Variants in ARHGAP21 observed in about 807,000 individuals in gnomAD.
The protein encoded by ARHGAP21 is rho GTPase-activating protein 21.
Under a neutral mutation model 164.6 loss-of-function variants are expected in ARHGAP21, and 38 were observed. The ratio of observed to expected loss-of-function variants is 0.23; its 90% confidence interval spans 0.18 to 0.30. ARHGAP21 has a LOEUF of 0.30. Among genes scored for constraint, ARHGAP21 ranks in the 10% least tolerant of loss-of-function variants. The probability of loss-of-function intolerance (pLI) is 1.00; values close to 1 mark genes in which losing one functional copy is unlikely to be tolerated. For synonymous variants in ARHGAP21, 766 were observed against 857.9 expected, an observed-to-expected ratio of 0.89 and a Z score of 1.87; for missense variants, 1,822 against 2,370.7, an observed-to-expected ratio of 0.77 and a Z score of 4.81.
intron 4 of ARHGAP21, among the ~76,000 whole-genome samples, chr10:24,641,811 T>A (rs1231331718): frequency 1.3e-5 from 2 of 151,156 alleles, no homozygotes; most frequent in South Asian, 4.2e-4. Flanking sequence ...CTGGCTAAGA[T>A]GGTGAAACCC....
intron 9 of ARHGAP21, among the ~76,000 whole-genome samples, chr10:24,616,880 G>C (rs1327030876): frequency 6.6e-6 from 1 of 151,964 alleles, no homozygotes; most frequent in Non-Finnish European, 1.5e-5. Flanking sequence ...GTGGGGGGTG[G>C]GAACAGTAAA....
At chr10:24,718,747 C>G (rs1253669071) in intron 2 of ARHGAP21, among the ~76,000 whole-genome samples, 1 of 152,246 alleles carries the variant, frequency 6.6e-6, no homozygotes, top group Middle Eastern at 3.4e-3. Context: ...TAATACATTT[C>G]AGTCATAGAA....
At chr10:24,601,808 T>A (rs2076825054) in intron 13 of ARHGAP21, among the ~76,000 whole-genome samples, 170 bp downstream of exon 13, 1 of 152,104 alleles carries the variant, frequency 6.6e-6, no homozygotes, top group African/African-American at 2.4e-5. Context: ...ATGCAATAAT[T>A]AGAATTTTTT....
At chr10:24,634,514 T>C (rs951780991) in intron 5 of ARHGAP21, among the ~76,000 whole-genome samples, 11 of 152,190 alleles carry the variant, frequency 7.2e-5, no homozygotes, top group African/African-American at 2.4e-4. Context: ...ACAGCTACTA[T>C]ATCCAGCCAA....
At chr10:24,672,307 C>T (rs1405970478) in intron 2 of ARHGAP21, among the ~76,000 whole-genome samples, 5 of 152,270 alleles carry the variant, frequency 3.3e-5, no homozygotes, top group African/African-American at 1.2e-4. Context: ...CCTCCTCCTT[C>T]TTGAAGAATT....
intron 4 of ARHGAP21, among the ~76,000 whole-genome samples, chr10:24,637,585 A>C (rs1375811919): frequency 1.3e-5 from 2 of 152,298 alleles, no homozygotes; most frequent in South Asian, 2.1e-4. Context: ...AAATAATAAA[A>C]CGTTGGTTGG....
Position 24,585,893 on chromosome 10 carries a change from C to G in ARHGAP21, c.4396G>C (p.Gly1466Arg). ...GCAATGATGATCTTCTGTTTTCTGCCCAGTGTCTCACTTTCTTTTTTGGAC... is the reference window on the plus strand; with the variant it reads ...GCAATGATGATCTTCTGTTTTCTGCGCAGTGTCTCACTTTCTTTTTTGGAC... ...EESKKESETL[G>R]RKQKIIIAKE... The change falls in exon 26 of 26, where the codon GGC becomes CGC. Residue 1466 changes from glycine (G) to arginine (R), a missense_variant. Physicochemically the swap from Gly to Arg is moderately radical, Grantham distance 125. Around this residue, in one of 5 missense-constraint regions of ARHGAP21, gnomAD observed 333 missense variants for 383.9 expected, o/e 0.87. Transcript: ENST00000396432. The G allele has an allele frequency of 6.2e-7, 1 of 1,613,986 alleles. No individual in the cohort carries two copies. The highest frequency in any genetic ancestry group is 8.5e-7 in the Non-Finnish European group (1 of 1,179,928).
chr10:24,664,502 G>A (rs1008192639), intron 4 of ARHGAP21, among the ~76,000 whole-genome samples: 64 of 151,032 alleles, frequency 4.2e-4, no homozygotes, highest in Non-Finnish European at 7.7e-4. Flanking sequence ...GTGGCATTGA[G>A]CCGAGATCAT....
At position 24,620,342 on chromosome 10, in the gene ARHGAP21, G is replaced by A. The variant is rs1435994809; in HGVS notation, c.1553C>T (p.Ser518Phe). ...NVNSGTPIPDSNGEKKQTYKW... is the reference protein window; with the variant it reads ...NVNSGTPIPDFNGEKKQTYKW... ...GTAAGTCTGTTTTTTCTCTCCATTG[G>A]AATCAGGTATTGGAGTTCCAGAATT... Residue 518 changes from serine (S) to phenylalanine (F), a missense_variant, in exon 9 of 26, where the codon TCC becomes TTC. Ser to Phe is a radical substitution (Grantham distance 155). Around this residue, in one of 5 missense-constraint regions of ARHGAP21, gnomAD observed 1,090 missense variants for 1,378.9 expected, o/e 0.79. Coordinates refer to ENST00000396432, the MANE Select transcript of ARHGAP21 (RefSeq NM_020824.4). 2.5e-6 allele frequency: 4 copies of A among 1,613,766 alleles called. No individual in the cohort carries two copies. The highest frequency in any genetic ancestry group is 1.7e-5 in the Admixed American group (1 of 59,976).
intron 9 of ARHGAP21, among the ~76,000 whole-genome samples, chr10:24,611,894 T>G (rs2077277908): frequency 6.6e-6 from 1 of 152,070 alleles, no homozygotes; most frequent in African/African-American, 2.4e-5. Flanking sequence ...CCAAGAGAAT[T>G]ATGATGAACA....
intron 2 of ARHGAP21, among the ~76,000 whole-genome samples, chr10:24,718,050 T>C (rs1378235793): frequency 6.6e-6 from 1 of 152,112 alleles, no homozygotes; most frequent in African/African-American, 2.4e-5. Flanking sequence ...GGAAACTCCG[T>C]AGGGAATCTG....
rs1414193942 is a variant in ARHGAP21 at position 24,607,731 on chromosome 10, C to T, written c.2581+14G>A. ...GCATGAGATACGGTTTACAAAACCA[C>T]CCTTTAGACGTACCGTGGTCATGTG... On this transcript the variant is annotated intron_variant, in intron 10 of 25. Transcript: ENST00000396432. The T allele has an allele frequency of 2.5e-6, 4 of 1,613,230 alleles. No homozygotes were observed.
chr10:24,720,289 T>G lies in ARHGAP21; in HGVS notation c.63+1548A>C, dbSNP rs534031107. On this transcript the variant is annotated intron_variant, in intron 2 of 25. Transcript: ENST00000396432. ...AAAAAAAATCAAATAACATTAGTTC[T>G]TGCAAACAGAATGCAAATACAATGC... Among the ~76,000 whole-genome samples the G allele has an allele frequency of 5.5e-4, 84 of 152,000 alleles. 1 individual carries two copies. Among genetic ancestry groups the G allele is most frequent in the South Asian group, 1.7e-3 (8 of 4,816 alleles).
At chr10:24,693,948 C>A (rs1274323339) in intron 2 of ARHGAP21, among the ~76,000 whole-genome samples, 1 of 152,174 alleles carries the variant, frequency 6.6e-6, no homozygotes, top group African/African-American at 2.4e-5. Context: ...TTCAGGAACA[C>A]AGACATACAT....
chr10:24,704,457 A>AT (rs1399556307), intron 2 of ARHGAP21, among the ~76,000 whole-genome samples: 1 of 53,696 alleles, frequency 1.9e-5, no homozygotes, highest in Non-Finnish European at 3.2e-5. Context: ...TGCCTGACTT[A>AT]TTTTTCTATT....
intron 14 of ARHGAP21, among the ~76,000 whole-genome samples, chr10:24,599,228 A>AGTCT (rs1428138617): frequency 8.5e-5 from 13 of 152,354 alleles, no homozygotes; most frequent in African/African-American, 3.1e-4. Flanking sequence ...TAACAATGAC[A>AGTCT]GTCTACTGCC....
chr10:24,681,969 A>T (rs1038591147), intron 2 of ARHGAP21, among the ~76,000 whole-genome samples: 1 of 152,256 alleles, frequency 6.6e-6, no homozygotes, highest in South Asian at 2.1e-4. Context: ...TGGCTCGTGG[A>T]CAAGCTCCTT....
At chr10:24,656,203 G>A (rs1241532167) in intron 4 of ARHGAP21, among the ~76,000 whole-genome samples, 2 of 140,798 alleles carry the variant, frequency 1.4e-5, no homozygotes, top group East Asian at 4.4e-4. Flanking sequence ...GCCCCATCCG[G>A]GAGGGAGGTG....
In ARHGAP21 at chr10:24,584,894, G is replaced by C. The variant is rs768755069; in HGVS notation, c.5395C>G (p.Arg1799Gly). The C allele has an allele frequency of 1.2e-6, 2 of 1,613,814 alleles. No individual in the cohort carries two copies. Residue 1799 changes from arginine to glycine, a missense_variant, in exon 26 of 26, where the codon CGG becomes GGG. By Grantham distance (125) the Arg-to-Gly change is moderately radical (BLOSUM62 -2). Coordinates refer to ENST00000396432, the MANE Select transcript of ARHGAP21 (RefSeq NM_020824.4). ...NAETAKRKSIRRRHTLGGHRD... is the reference protein window; with the variant it reads ...NAETAKRKSIGRRHTLGGHRD... ...TGCCCTCCTAGTGTATGTCTGCGCCGGATGCTTTTCCTTTTAGCAGTCTCG... is the reference window on the plus strand; with the variant it reads ...TGCCCTCCTAGTGTATGTCTGCGCCCGATGCTTTTCCTTTTAGCAGTCTCG...
Sources: allele counts gnomAD v4.1 joint callset (sites outside exome capture counted in the v4.1 genomes callset), GRCh38; gene constraint gnomAD v4.1.1; regional missense constraint gnomAD v4.1.1; transcripts MANE v1.5; gene names NCBI Gene and HGNC (gene_info 2026-07-23, HGNC 2026-07-21).